The following MBNL1 variants were observed in gnomAD, a reference collection of about 807,000 sequenced individuals.
MBNL1 encodes muscleblind-like protein 1.
A neutral mutation model predicts 42.2 loss-of-function variants in MBNL1; 8 were observed. That is an observed-to-expected ratio of 0.19 (90% CI 0.11 to 0.34). The LOEUF (loss-of-function observed/expected upper bound fraction) is 0.34, where lower values mean the gene tolerates loss of function less well. Among genes scored for constraint, MBNL1 ranks in the 10% least tolerant of loss-of-function variants. The pLI is 1.00. For missense variants in MBNL1, 309 were observed against 495.3 expected (o/e 0.62, Z 3.57); for synonymous variants, 169 against 173.9 (o/e 0.97, Z 0.22).
intron 2 of MBNL1, among the ~76,000 whole-genome samples, chr3:152,255,698 A>G (rs2149449898): frequency 6.6e-6 from 1 of 152,328 alleles, no homozygotes; most frequent in Middle Eastern, 3.4e-3. Flanking sequence ...CTAGATAGTG[A>G]TAGTGACCAG....
intron 3 of MBNL1, 45 bp downstream of exon 3, chr3:152,415,156 G>A: frequency 6.6e-7 from 1 of 1,513,596 alleles, no homozygotes. Context: ...TTGATTCAAA[G>A]TGCTCAGTTG....
chr3:152,402,888 TGGGC>T (rs1311629190), intron 2 of MBNL1, among the ~76,000 whole-genome samples: 1 of 152,164 alleles, frequency 6.6e-6, no homozygotes, highest in African/African-American at 2.4e-5. Context: ...ATATAGACTG[TGGGC>T]ATGAGCCTCC....
In MBNL1 at chr3:152,290,759, TACTC is replaced by T. The variant is rs1204176655; in HGVS notation, c.-789-8644_-789-8641del. Among the ~76,000 whole-genome samples the T allele has an allele frequency of 5.3e-5, 8 of 152,276 alleles. No individual in the cohort carries two copies. In the East Asian group the frequency reaches 9.6e-4, roughly 18 times the overall value. ...TTAGTTACTGTATCAAATAAAATAA[TACTC>T]ATTTAAGTAAGCTTTAGGATCAAAG... On this transcript the variant is annotated intron_variant, in intron 1 of 9. Transcript: ENST00000324210.
At position 152,464,069 on chromosome 3, in the gene MBNL1, CAT is replaced by C. The variant is rs1250431617; in HGVS notation, c.*1704_*1705del. 1 of 152,488 alleles carries C rather than the reference CAT, an allele frequency of 6.6e-6. No homozygotes were observed. Among genetic ancestry groups the C allele is most frequent in the African/African-American group, 2.4e-5 (1 of 41,426 alleles). The allele number at this position is 152,488 out of a possible 1,614,324, so 9.4% of individuals were successfully genotyped here. On this transcript the variant is annotated 3_prime_UTR_variant, in exon 10 of 10. Coordinates refer to ENST00000324210, the MANE Select transcript of MBNL1 (RefSeq NM_021038.5). ...TGTTAAGAAAGTAATGGTGACTTCACATGTTATTGTAGTTAGTTACATTATAG... is the reference window on the plus strand; with the variant it reads ...TGTTAAGAAAGTAATGGTGACTTCACGTTATTGTAGTTAGTTACATTATAG...
At chr3:152,405,134 G>A (rs2098394325) in intron 2 of MBNL1, among the ~76,000 whole-genome samples, 1 of 152,124 alleles carries the variant, frequency 6.6e-6, no homozygotes, top group Non-Finnish European at 1.5e-5. Context: ...AAGGGTTGAA[G>A]ACTTCCATTT....
intron 2 of MBNL1, among the ~76,000 whole-genome samples, chr3:152,311,640 G>A (rs914118185): frequency 2.6e-5 from 4 of 151,720 alleles, no homozygotes; most frequent in African/African-American, 9.7e-5. Flanking sequence ...AGATCTAGTA[G>A]GTAGAATTTT....
chr3:152,385,360 C>T (rs2097366713), intron 2 of MBNL1, among the ~76,000 whole-genome samples: 1 of 151,974 alleles, frequency 6.6e-6, no homozygotes, highest in South Asian at 2.1e-4. Flanking sequence ...CTCTCAGATA[C>T]TTTGTAATAT....
At chr3:152,289,616 A>G (rs1409998891) in intron 1 of MBNL1, among the ~76,000 whole-genome samples, 1 of 152,138 alleles carries the variant, frequency 6.6e-6, no homozygotes, top group Non-Finnish European at 1.5e-5. Context: ...AAACTGATAT[A>G]TCTTGTTATG....
intron 1 of MBNL1, among the ~76,000 whole-genome samples, chr3:152,287,565 C>T (rs1035141052): frequency 1.3e-5 from 2 of 152,084 alleles, no homozygotes; most frequent in Non-Finnish European, 2.9e-5. Context: ...GGTTTCTATC[C>T]TCAGTAGGTC....
At chr3:152,275,012 T>G (rs538822024) in intron 1 of MBNL1, among the ~76,000 whole-genome samples, 3 of 152,370 alleles carry the variant, frequency 2.0e-5, no homozygotes, top group Non-Finnish European at 4.4e-5. Flanking sequence ...CAGCCCATTT[T>G]CAGCTTATTG....
At chr3:152,325,582 A>G (rs1033979239) in intron 2 of MBNL1, among the ~76,000 whole-genome samples, 11 of 151,898 alleles carry the variant, frequency 7.2e-5, no homozygotes, top group African/African-American at 2.7e-4. Context: ...TAATTTTTAC[A>G]TACTATATAT....
intron 2 of MBNL1, among the ~76,000 whole-genome samples, chr3:152,370,139 G>A (rs923464174): frequency 5.9e-5 from 9 of 152,114 alleles, no homozygotes; most frequent in Admixed American, 1.3e-4. Flanking sequence ...TCCTGTGAGC[G>A]CTTAGTGCTA....
At chr3:152,256,783 C>T (rs1431160220) in intron 2 of MBNL1, among the ~76,000 whole-genome samples, 3 of 152,050 alleles carry the variant, frequency 2.0e-5, no homozygotes, top group Non-Finnish European at 4.4e-5. Context: ...GAAAAAATGG[C>T]CTTCCCTCAT....
intron 4 of MBNL1, among the ~76,000 whole-genome samples, chr3:152,442,667 G>T (rs907832248): frequency 6.6e-6 from 1 of 152,180 alleles, no homozygotes; most frequent in Admixed American, 6.5e-5. Context: ...GTTTATCAGA[G>T]AAACCAGATC....
rs1750181941 is a variant in MBNL1, at chr3:152,465,597, A to G, written c.*3231A>G. On this transcript the variant is annotated 3_prime_UTR_variant, in exon 10 of 10. Coordinates refer to ENST00000324210, the MANE Select transcript of MBNL1 (RefSeq NM_021038.5). ...ACCACTTTCATCTGCTGAAAGGACA[A>G]ATGTGCTTGGTTTTACTATTATGTA... 1.3e-5 allele frequency: 2 copies of G among 152,616 alleles called. No homozygotes were observed. The highest frequency in any genetic ancestry group is 6.5e-5 in the Admixed American group (1 of 15,286). The allele number at this position is 152,616 out of a possible 1,614,324, so 9.5% of individuals were successfully genotyped here.
chr3:152,420,007 C>G (rs1268141507), intron 3 of MBNL1, among the ~76,000 whole-genome samples: 2 of 152,176 alleles, frequency 1.3e-5, no homozygotes, highest in African/African-American at 4.8e-5. Context: ...GAACTGGGTG[C>G]AGAAACCACC....
chr3:152,282,352 G>C (rs369897950), intron 1 of MBNL1, among the ~76,000 whole-genome samples: 2 of 152,088 alleles, frequency 1.3e-5, no homozygotes, highest in African/African-American at 2.4e-5. Flanking sequence ...ACATGTGTGT[G>C]TGTGTGTATT....
chr3:152,457,691 AC>A (rs956192348), intron 8 of MBNL1: 6 of 158,412 alleles, frequency 3.8e-5, no homozygotes, highest in African/African-American at 1.4e-4. Flanking sequence ...TTAATAAGTA[AC>A]CTTTGGTAGA....
chr3:152,454,912 C>CT (rs996363071), intron 6 of MBNL1, among the ~76,000 whole-genome samples: 1 of 152,130 alleles, frequency 6.6e-6, no homozygotes, highest in African/African-American at 2.4e-5. Flanking sequence ...ACAAATTTCA[C>CT]TTTTTTATGT....
Sources: allele counts gnomAD v4.1 joint callset (sites outside exome capture counted in the v4.1 genomes callset), GRCh38; gene constraint gnomAD v4.1.1; transcripts MANE v1.5; gene names NCBI Gene and HGNC (gene_info 2026-07-23, HGNC 2026-07-21).